Variants in SPOCK3 observed in about 807,000 individuals in gnomAD.
The protein encoded by SPOCK3 is SPARC (osteonectin), cwcv and kazal like domains proteoglycan 3.
A neutral mutation model predicts 56.6 loss-of-function variants in SPOCK3; 30 were observed. The ratio of observed to expected loss-of-function variants is 0.53; its 90% CI spans 0.40 to 0.72. SPOCK3 has a LOEUF of 0.72. Among genes scored for constraint, SPOCK3 ranks in the 30% least tolerant of loss-of-function variants. The probability of loss-of-function intolerance (pLI) is 0.00; values close to 1 mark genes in which losing one functional copy is unlikely to be tolerated. For missense variants in SPOCK3, 527 were observed against 530.0 expected (o/e 0.99, Z 0.06); for synonymous variants, 196 against 183.3 (o/e 1.07, Z -0.56).
At chr4:167,205,064 G>T (rs561027239) in intron 2 of SPOCK3, among the ~76,000 whole-genome samples, 11 of 133,286 alleles carry the variant, frequency 8.3e-5, no homozygotes, top group Non-Finnish European at 1.7e-4. Flanking sequence ...TGAACTCCTG[G>T]CTTCCCACCA....
intron 8 of SPOCK3, among the ~76,000 whole-genome samples, chr4:166,745,302 C>G (rs1485787868): frequency 2.0e-5 from 3 of 152,152 alleles, no homozygotes; most frequent in Admixed American, 1.3e-4. Flanking sequence ...AGCAGAAACT[C>G]TATGAGCCAG....
At chr4:166,744,830 C>G (rs985764100) in intron 8 of SPOCK3, among the ~76,000 whole-genome samples, 5 of 151,926 alleles carry the variant, frequency 3.3e-5, no homozygotes, top group East Asian at 1.9e-4. Flanking sequence ...ATGAGAACTA[C>G]GTGATGCGTG....
intron 3 of SPOCK3, among the ~76,000 whole-genome samples, chr4:167,054,942 G>A (rs546322322): frequency 7.6e-4 from 115 of 152,146 alleles, no homozygotes; most frequent in Non-Finnish European, 1.4e-3. Flanking sequence ...TTTGTGCTGA[G>A]AATTTACACC....
At chr4:166,798,205 G>A (rs1377857859) in intron 6 of SPOCK3, among the ~76,000 whole-genome samples, 1 of 152,160 alleles carries the variant, frequency 6.6e-6, no homozygotes, top group African/African-American at 2.4e-5. Flanking sequence ...ACTTTAGAGT[G>A]TAATCCTACT....
chr4:167,206,591 G>A (rs1299449019), intron 2 of SPOCK3, among the ~76,000 whole-genome samples: 2 of 152,054 alleles, frequency 1.3e-5, no homozygotes, highest in Non-Finnish European at 2.9e-5. Context: ...GGTAGCTAAT[G>A]AGTCTTGAGG....
chr4:166,881,401 G>T (rs930564096), intron 6 of SPOCK3, among the ~76,000 whole-genome samples: 1 of 151,774 alleles, frequency 6.6e-6, no homozygotes, highest in African/African-American at 2.4e-5. Context: ...AAATAAAAAA[G>T]CATAGAATTG....
At chr4:167,227,734 T>C (rs1164118475) in intron 2 of SPOCK3, among the ~76,000 whole-genome samples, 1 of 152,032 alleles carries the variant, frequency 6.6e-6, no homozygotes, top group Non-Finnish European at 1.5e-5. Context: ...AATAAGTACA[T>C]AAAATGAAAT....
chr4:167,123,740 CTTTTTTTT>C (rs901846399), intron 2 of SPOCK3, among the ~76,000 whole-genome samples: 1 of 118,362 alleles, frequency 8.4e-6, no homozygotes, highest in Non-Finnish European at 1.8e-5. Context: ...CATTTCTTTT[CTTTTTTTT>C]TTTTTTTTTT....
intron 2 of SPOCK3, among the ~76,000 whole-genome samples, chr4:167,105,419 CATG>C (rs973174424): frequency 3.1e-4 from 43 of 139,778 alleles, no homozygotes; most frequent in African/African-American, 1.1e-3. Flanking sequence ...TTACAAGCCT[CATG>C]ATAATCTCAA....
chr4:166,994,277 T>C (rs115807423), intron 4 of SPOCK3, among the ~76,000 whole-genome samples: 1,933 of 152,276 alleles, frequency 0.013, 19 homozygotes, highest in Non-Finnish European at 0.019. Flanking sequence ...CATTAAGTCA[T>C]TAATCCTTAA....
intron 6 of SPOCK3, among the ~76,000 whole-genome samples, chr4:166,875,920 A>T (rs1460668978): frequency 6.6e-6 from 1 of 152,234 alleles, no homozygotes; most frequent in African/African-American, 2.4e-5. Flanking sequence ...CACAGCAGGT[A>T]GCAAAAGCTT....
intron 3 of SPOCK3, among the ~76,000 whole-genome samples, chr4:167,039,322 G>A (rs1753047152): frequency 6.6e-6 from 1 of 152,106 alleles, no homozygotes; most frequent in South Asian, 2.1e-4. Context: ...TTAAGGTCAC[G>A]TTCATAAGCA....
chr4:167,043,861 C>G (rs1385346944), intron 3 of SPOCK3, among the ~76,000 whole-genome samples: 2 of 151,892 alleles, frequency 1.3e-5, no homozygotes, highest in Non-Finnish European at 2.9e-5. Flanking sequence ...AAGACTTTTG[C>G]ACCCATGTTA....
chr4:166,796,231 T>A (rs896445397), intron 6 of SPOCK3, among the ~76,000 whole-genome samples: 1 of 152,190 alleles, frequency 6.6e-6, no homozygotes, highest in African/African-American at 2.4e-5. Context: ...CACTATAACA[T>A]ACTTAAATGT....
chr4:167,121,870 T>C (rs1318283907), intron 2 of SPOCK3, among the ~76,000 whole-genome samples: 1 of 152,130 alleles, frequency 6.6e-6, no homozygotes, highest in East Asian at 1.9e-4. Context: ...ATTAATACTA[T>C]ATTTAATAAA....
rs372586445 is a variant in SPOCK3 at position 166,792,318 on chromosome 4, G to C, written c.590-29C>G. The C allele has an allele frequency of 3.1e-6, 5 of 1,611,690 alleles. No homozygotes were observed. In the African/African-American group the frequency reaches 6.7e-5, roughly 22 times the overall value. On this transcript the variant is annotated intron_variant, in intron 6 of 10. Coordinates refer to ENST00000357545, the MANE Select transcript of SPOCK3 (RefSeq NM_001040159.2). ...AAAACAGAGAAACAACACAAGTCTT[G>C]AATAATATCTTAGTATAATGTTAGT...
chr4:167,198,790 A>T (rs769142697), intron 2 of SPOCK3, among the ~76,000 whole-genome samples: 1 of 152,142 alleles, frequency 6.6e-6, no homozygotes, highest in Non-Finnish European at 1.5e-5. Flanking sequence ...ACAGCAACCT[A>T]CTTAGGTTAC....
chr4:166,764,299 T>C (rs1204361928), intron 7 of SPOCK3, among the ~76,000 whole-genome samples: 1 of 152,166 alleles, frequency 6.6e-6, no homozygotes, highest in Non-Finnish European at 1.5e-5. Context: ...CATTAACTCG[T>C]CATTTACATT....
At chr4:167,129,635 ATAT>A (rs1762550494) in intron 2 of SPOCK3, among the ~76,000 whole-genome samples, 1 of 152,114 alleles carries the variant, frequency 6.6e-6, no homozygotes, top group African/African-American at 2.4e-5. Flanking sequence ...ATTTTTAAAA[ATAT>A]TATAGTTAAA....
Sources: gnomAD v4.1 joint callset for allele counts (sites outside exome capture counted in the v4.1 genomes callset) on GRCh38, gnomAD v4.1.1 for gene constraint, MANE v1.5 for transcripts, NCBI Gene and HGNC (gene_info 2026-07-23, HGNC 2026-07-21) for gene names.